CNTFR: variants seen among roughly 807,000 people sequenced by gnomAD.
CNTFR encodes ciliary neurotrophic factor receptor subunit alpha.
A neutral mutation model predicts 40.4 loss-of-function variants in CNTFR; 12 were observed. That is an observed-to-expected ratio of 0.30 (90% CI 0.19 to 0.48). The LOEUF (loss-of-function observed/expected upper bound fraction) is 0.48. Ranked by LOEUF, CNTFR falls within the 20% of genes least tolerant of loss-of-function variation. The pLI is 0.99. For synonymous variants in CNTFR, 202 were observed against 209.6 expected, an observed-to-expected ratio of 0.96 and a Z score of 0.31; for missense variants, 414 against 506.8, an observed-to-expected ratio of 0.82 and a Z score of 1.76.
intron 7 of CNTFR, among the ~76,000 whole-genome samples, chr9:34,555,251 A>G (rs760046015): frequency 4.6e-5 from 7 of 152,218 alleles, no homozygotes; most frequent in Non-Finnish European, 7.4e-5. Context: ...ATGTGAGTGC[A>G]TGAGCAGGCT....
At chr9:34,578,555 T>C (rs182251718) in intron 2 of CNTFR, among the ~76,000 whole-genome samples, 271 of 152,264 alleles carry the variant, frequency 1.8e-3, no homozygotes, top group African/African-American at 6.2e-3. Flanking sequence ...CAGCAAGTGG[T>C]GAGAGATGTG....
At chr9:34,584,574 G>A (rs1395909240) in intron 1 of CNTFR, among the ~76,000 whole-genome samples, 1 of 152,202 alleles carries the variant, frequency 6.6e-6, no homozygotes, top group East Asian at 1.9e-4. Context: ...GCCCACAACA[G>A]CTACACAGCC....
intron 2 of CNTFR, chr9:34,571,512 T>C (rs1826640164): frequency 6.6e-6 from 1 of 152,170 alleles, no homozygotes; most frequent in Non-Finnish European, 1.5e-5. Flanking sequence ...AGCTCCTTCC[T>C]GGTCCACACA....
Position 34,556,276 on chromosome 9 carries a change from G to T in CNTFR, c.747C>A (p.Leu249=). The change falls in exon 7 of 10, where the codon CTC becomes CTA. Residue 249 remains leucine (L), a synonymous_variant. Transcript: ENST00000378980. ...TCACATGCTGCCACTGGTCCAGGATGAGGGGTCGGTAGCGCAGAAAGAACT... is the reference window on the plus strand; with the variant it reads ...TCACATGCTGCCACTGGTCCAGGATTAGGGGTCGGTAGCGCAGAAAGAACT... ...PLKFFLRYRP[L]ILDQWQHVEL... 1 of 1,613,078 alleles carries T rather than the reference G, an allele frequency of 6.2e-7. No homozygotes were observed. Among genetic ancestry groups the T allele is most frequent in the Non-Finnish European group, 8.5e-7 (1 of 1,179,600 alleles).
intron 4 of CNTFR, among the ~76,000 whole-genome samples, chr9:34,559,316 C>A (rs1310492886): frequency 1.3e-5 from 2 of 152,090 alleles, no homozygotes; most frequent in East Asian, 1.9e-4. Context: ...TGGGGCAGAA[C>A]CCCCAGGATC....
intron 7 of CNTFR, 30 bp downstream of exon 7, chr9:34,556,225 C>A (rs762150922): frequency 6.3e-7 from 1 of 1,590,602 alleles, no homozygotes; most frequent in South Asian, 1.1e-5. Context: ...AACTCAGGCA[C>A]CCAGGATCTT....
Position 34,551,746 on chromosome 9 carries a change from T to A in CNTFR, c.*325A>T. ...CTGGGGCAGGAGGAGAAATCGGATG[T>A]GAGAGGCTCCCCTCACGTCCCCCAA... On this transcript the variant is annotated 3_prime_UTR_variant, in exon 10 of 10. Transcript: ENST00000378980. The A allele has an allele frequency of 1.9e-6, 1 of 536,310 alleles. No homozygotes were observed. Among genetic ancestry groups the A allele is most frequent in the Non-Finnish European group, 3.4e-6 (1 of 298,318 alleles). 33.2% of individuals were successfully genotyped at this position (536,310 alleles called of 1,614,324 possible).
rs369205451 is a variant in CNTFR, at chr9:34,556,254, C to T, written c.768+1G>A. 2.5e-6 allele frequency: 4 copies of T among 1,610,354 alleles called. No individual in the cohort carries two copies. Among genetic ancestry groups the T allele is most frequent in the Non-Finnish European group, 3.4e-6 (4 of 1,178,884 alleles). On this transcript the variant is annotated splice_donor_variant, in intron 7 of 9. Transcript: ENST00000378980. LOFTEE classifies it high-confidence loss of function. ...GGATCTTGGCCGGGCAGGGCACTCA[C>T]ATGCTGCCACTGGTCCAGGATGAGG...
At chr9:34,559,462 G>A (rs1825980297) in intron 4 of CNTFR, among the ~76,000 whole-genome samples, 1 of 152,198 alleles carries the variant, frequency 6.6e-6, no homozygotes. Context: ...GGGTCCAGCT[G>A]AGACCCCACA....
In CNTFR at chr9:34,556,246, G is replaced by A. The variant is rs1825830450; in HGVS notation, c.768+9C>T. Reference sequence around the variant, plus strand: ...GGCACCCAGGATCTTGGCCGGGCAGGGCACTCACATGCTGCCACTGGTCCA... The same window carrying A: ...GGCACCCAGGATCTTGGCCGGGCAGAGCACTCACATGCTGCCACTGGTCCA... On this transcript the variant is annotated intron_variant, in intron 7 of 9. Coordinates refer to ENST00000378980, the MANE Select transcript of CNTFR (RefSeq NM_147164.3). The A allele has an allele frequency of 3.7e-6, 6 of 1,606,908 alleles. No individual in the cohort carries two copies. Among genetic ancestry groups the A allele is most frequent in the African/African-American group, 1.3e-5 (1 of 74,708 alleles).
chr9:34,556,566 A>C (rs1825843345), intron 6 of CNTFR, 148 bp from the exon 7 acceptor site: 1 of 715,758 alleles, frequency 1.4e-6, no homozygotes, highest in Admixed American at 3.1e-5. Flanking sequence ...GTCAATTCTG[A>C]TAACTACCAT....
In CNTFR at chr9:34,568,928, T is replaced by TGCGGCG; in HGVS notation, c.48_53dup (p.Ala17_Ala18dup). The TGCGGCG allele has an allele frequency of 4.4e-6, 7 of 1,598,948 alleles. No individual in the cohort carries two copies. The highest frequency in any genetic ancestry group is 2.3e-5 in the East Asian group (1 of 44,070). ...GACTGTGTCTCTGGGCGTAGACAAC[T>TGCGGCG]GCGGCGGCGGCGGCAAGCACAGCAC... On this transcript the variant is annotated inframe_insertion, in exon 3 of 10. Coordinates refer to ENST00000378980, the MANE Select transcript of CNTFR (RefSeq NM_147164.3).
At chr9:34,572,354 T>C (rs1023039227) in intron 2 of CNTFR, among the ~76,000 whole-genome samples, 1 of 152,108 alleles carries the variant, frequency 6.6e-6, no homozygotes, top group African/African-American at 2.4e-5. Context: ...GCATCTTTCC[T>C]GGGAATTTTC....
intron 4 of CNTFR, among the ~76,000 whole-genome samples, chr9:34,559,951 C>G (rs1033210702): frequency 6.6e-6 from 1 of 152,290 alleles, no homozygotes; most frequent in South Asian, 2.1e-4. Flanking sequence ...CCCCTCACGC[C>G]AGTTCCTCTC....
chr9:34,558,875 TAC>T (rs1232225214), intron 4 of CNTFR, among the ~76,000 whole-genome samples: 3 of 152,156 alleles, frequency 2.0e-5, no homozygotes, highest in Admixed American at 6.5e-5. Flanking sequence ...GGTAACCCTA[TAC>T]ACACACACTT....
Position 34,552,626 on chromosome 9 carries a change from G to A in CNTFR, c.949+48C>T. 1 of 1,580,676 alleles carries A rather than the reference G, an allele frequency of 6.3e-7. No homozygotes were observed. Among genetic ancestry groups the A allele is most frequent in the African/African-American group, 1.3e-5 (1 of 74,318 alleles). Reference sequence around the variant, plus strand: ...GAACCAGGCCACAGGTTCTACCACAGGCCTCCAGGACAGCAAAGCCAGGAG... The same window carrying A: ...GAACCAGGCCACAGGTTCTACCACAAGCCTCCAGGACAGCAAAGCCAGGAG... On this transcript the variant is annotated intron_variant, in intron 8 of 9. Transcript: ENST00000378980. This position sits in a 1 kb window ranked among gnomAD's most constrained non-coding sequence, Gnocchi z 5.1.
intron 3 of CNTFR, 73 bp downstream of exon 3, chr9:34,568,824 T>G: frequency 7.5e-7 from 1 of 1,336,048 alleles, no homozygotes; most frequent in Non-Finnish European, 1.1e-6. Flanking sequence ...AGTGTCAGGA[T>G]GCAGCTATGC....
Position 34,552,174 on chromosome 9 carries a change from T to C in CNTFR, c.1105A>G (p.Ser369Gly), listed in dbSNP as rs764982603. 17 of 1,597,790 alleles carry C rather than the reference T, an allele frequency of 1.1e-5. No homozygotes were observed. The South Asian group carries it at 1.9e-4, about 18-fold the overall frequency. ...ALAAAAATAS[S>G]LLI is the part of the protein sequence containing the mutation. ...CACTCAACCTACCAGATCAAGAGAC[T>C]GCTGGCAGTGGCGGCAGCGGCAGCC... is the stretch of plus-strand genomic sequence containing the variant. The change falls in exon 9 of 10, where the codon AGT becomes GGT. Residue 369 changes from serine (S) to glycine (G), a missense_variant. By Grantham distance (56) the Ser-to-Gly change is moderately conservative. Coordinates refer to ENST00000378980, the MANE Select transcript of CNTFR (RefSeq NM_147164.3). The surrounding 1 kb of genome is among the most constrained non-coding windows in gnomAD (Gnocchi z 5.1).
rs574144531 is a variant in CNTFR at position 34,557,223 on chromosome 9, A to G, written c.604+303T>C. On this transcript the variant is annotated intron_variant, in intron 6 of 9. Transcript: ENST00000378980. The surrounding 1 kb of genome is among the most constrained non-coding windows in gnomAD (Gnocchi z 4.2). ...GGGGTGCGGTGGAGGCTGCAGCTGC[A>G]CAAGGGTCTGGCCCAGCCTGCCCCC... Among the ~76,000 whole-genome samples, 1 of 152,056 alleles carries G rather than the reference A, an allele frequency of 6.6e-6. No individual in the cohort carries two copies. The highest frequency in any genetic ancestry group is 2.4e-5 in the African/African-American group (1 of 41,510).
Sources: gnomAD v4.1 joint callset for allele counts (sites outside exome capture counted in the v4.1 genomes callset) on GRCh38, gnomAD v4.1.1 for gene constraint, Gnocchi (gnomAD v3.1) non-coding constraint, MANE v1.5 for transcripts, NCBI Gene and HGNC (gene_info 2026-07-23, HGNC 2026-07-21) for gene names.